Variants in TMEM165 observed in about 807,000 individuals in gnomAD.
TMEM165 encodes transmembrane protein 165, also known as putative divalent cation/proton antiporter TMEM165.
A neutral mutation model predicts 30.0 loss-of-function variants in TMEM165; 19 were observed. That is an observed-to-expected ratio of 0.63 (90% confidence interval 0.44 to 0.93). The LOEUF (loss-of-function observed/expected upper bound fraction) is 0.93, where lower values mean the gene tolerates loss of function less well. TMEM165 is among the 40% of genes least tolerant of loss of function. TMEM165 has a pLI of 0.00. For missense variants in TMEM165, 340 were observed against 417.0 expected, an observed-to-expected ratio of 0.82 and a Z score of 1.61; for synonymous variants, 168 against 162.9, an observed-to-expected ratio of 1.03 and a Z score of -0.24.
At chr4:55,424,438 T>TA (rs1722114231) in intron 4 of TMEM165, 100 bp from the exon 5 acceptor site, 8 of 709,944 alleles carry the variant, frequency 1.1e-5, no homozygotes, top group Non-Finnish European at 2.0e-5. Context: ...TTATGCTTTT[T>TA]AATTGTTGGC....
rs1128141 is a variant in TMEM165, at chr4:55,396,207, A to G, written c.18A>G (p.Pro6=). 953,735 of 1,436,182 alleles carry G rather than the reference A, an allele frequency of 0.66. 319,912 individuals carry two copies. The highest frequency in any genetic ancestry group is 0.84 in the African/African-American group (56,679 of 67,826). The allele number at this position is 1,436,182 out of a possible 1,614,324, so 89.0% of individuals were successfully genotyped here. Residue 6 remains proline, a synonymous_variant, in exon 1 of 6, where the codon CCA becomes CCG. Transcript: ENST00000381334. Reference sequence around the variant, plus strand: ...CAGGCGGGATGGCGGCCGCGGCTCCAGGGAACGGCCGCGCATCGGCGCCCC... The same window carrying G: ...CAGGCGGGATGGCGGCCGCGGCTCCGGGGAACGGCCGCGCATCGGCGCCCC... The part of the protein sequence containing the change: MAAAA[P]GNGRASAPRL...
intron 1 of TMEM165, among the ~76,000 whole-genome samples, chr4:55,405,201 G>A (rs1002683982): frequency 6.6e-5 from 10 of 152,066 alleles, no homozygotes; most frequent in African/African-American, 2.4e-4. Context: ...GATAGAGTAC[G>A]TCCTCACTTA....
intron 3 of TMEM165, among the ~76,000 whole-genome samples, chr4:55,446,729 A>AT (rs1286403255): frequency 6.6e-6 from 1 of 152,196 alleles, no homozygotes; most frequent in Admixed American, 6.5e-5. Flanking sequence ...TCTTAAGTCT[A>AT]TACAGGCTCT....
At position 55,396,102 on chromosome 4, in the gene TMEM165, C is replaced by T. The variant is rs1248477800; in HGVS notation, c.-88C>T. 7 of 1,153,908 alleles carry T rather than the reference C, an allele frequency of 6.1e-6. No individual in the cohort carries two copies. The highest frequency in any genetic ancestry group is 7.8e-6 in the Non-Finnish European group (7 of 902,800). The allele number at this position is 1,153,908 out of a possible 1,614,324, so 71.5% of individuals were successfully genotyped here. On this transcript the variant is annotated 5_prime_UTR_variant, in exon 1 of 6. It adds an upstream start codon to the 5' untranslated region. Coordinates refer to ENST00000381334, the MANE Select transcript of TMEM165 (RefSeq NM_018475.5). Reference sequence around the variant, plus strand: ...CGGCGGCGGCGGCGAGTCGTGAGGACGCGCCGCGGAGGCTGTTCGGGGTCG... The same window carrying T: ...CGGCGGCGGCGGCGAGTCGTGAGGATGCGCCGCGGAGGCTGTTCGGGGTCG...
exon 4 of TMEM165, chr4:55,453,151 A>C: frequency 1.3e-6 from 2 of 1,586,834 alleles, no homozygotes; most frequent in Non-Finnish European, 1.7e-6. Flanking sequence ...AAAAATAATC[A>C]AATTTTAGTG....
intron 1 of TMEM165, among the ~76,000 whole-genome samples, chr4:55,409,628 G>C (rs1234527195): frequency 6.6e-6 from 1 of 152,138 alleles, no homozygotes; most frequent in Non-Finnish European, 1.5e-5. Context: ...GATGCCAGTA[G>C]TTCCCCTTTG....
downstream of TMEM165, chr4:55,430,355 A>G (rs984550680): frequency 8.5e-5 from 13 of 152,204 alleles, no homozygotes; most frequent in African/African-American, 2.9e-4. Context: ...AGAGTATTTT[A>G]TTTAAGAAAA....
intron 1 of TMEM165, among the ~76,000 whole-genome samples, chr4:55,408,936 T>TA (rs1721379095): frequency 6.6e-6 from 1 of 151,308 alleles, no homozygotes; most frequent in South Asian, 2.1e-4. Flanking sequence ...TTTTTTTTTT[T>TA]AATATAAGGA....
chr4:55,406,374 T>C (rs1323802927), intron 1 of TMEM165, among the ~76,000 whole-genome samples: 1 of 152,246 alleles, frequency 6.6e-6, no homozygotes, highest in Non-Finnish European at 1.5e-5. Flanking sequence ...TCCTTTTTTG[T>C]ATTCTAGAAA....
intron 3 of TMEM165, chr4:55,438,332 G>T (rs1560411705): frequency 2.5e-6 from 4 of 1,613,954 alleles, no homozygotes; most frequent in Admixed American, 3.3e-5. Flanking sequence ...GATGGTTGCT[G>T]AACTGAAGTG....
chr4:55,399,698 G>A (rs535323265), intron 1 of TMEM165, among the ~76,000 whole-genome samples: 60 of 152,176 alleles, frequency 3.9e-4, no homozygotes, highest in Non-Finnish European at 7.5e-4. Context: ...ATATTAAATG[G>A]TCTTAAGGAT....
chr4:55,424,795 G>T, intron 5 of TMEM165, 152 bp downstream of exon 5: 1 of 580,566 alleles, frequency 1.7e-6, no homozygotes. Flanking sequence ...TCCTGGTATT[G>T]CAAATACGGA....
At chr4:55,432,697 G>T (rs1352837798) in intron 3 of TMEM165, 1 of 152,036 alleles carries the variant, frequency 6.6e-6, no homozygotes, top group African/African-American at 2.4e-5. Flanking sequence ...CAAAGAGGCA[G>T]CTGGTGCTTA....
Position 55,438,630 on chromosome 4 carries a change from C to G in TMEM165, c.409-13609C>G, listed in dbSNP as rs538130221. Reference sequence around the variant, plus strand: ...AGTAAATACTTACCTAAGATAATACCCAATGACATTGCCAGTTTGTTTTTC... The same window carrying G: ...AGTAAATACTTACCTAAGATAATACGCAATGACATTGCCAGTTTGTTTTTC... On this transcript the variant is annotated intron_variant, in intron 3 of 3. Coordinates refer to the TMEM165 transcript ENST00000608091. 85 of 1,577,418 alleles carry G rather than the reference C, an allele frequency of 5.4e-5. 1 individual carries two copies. In the South Asian group the frequency reaches 9.4e-4, roughly 17 times the overall value.
chr4:55,419,438 G>A (rs1001312797), intron 4 of TMEM165, among the ~76,000 whole-genome samples: 1 of 152,188 alleles, frequency 6.6e-6, no homozygotes, highest in Non-Finnish European at 1.5e-5. Context: ...CAGAGAGATC[G>A]GGTGACTTGT....
At chr4:55,442,506 C>G (rs1723451387) in intron 3 of TMEM165, 5 of 1,608,306 alleles carry the variant, frequency 3.1e-6, no homozygotes, top group African/African-American at 1.4e-5. Context: ...TAGATGGAAT[C>G]TGGACCATGC....
At chr4:55,435,656 T>C in intron 3 of TMEM165, 1 of 1,521,490 alleles carries the variant, frequency 6.6e-7, no homozygotes, top group Non-Finnish European at 9.1e-7. Context: ...ACATAATAGT[T>C]ACTCACACTC....
chr4:55,416,950 G>T (rs1428266349), intron 2 of TMEM165, 122 bp from the exon 3 acceptor site: 5 of 774,672 alleles, frequency 6.5e-6, no homozygotes, highest in African/African-American at 3.6e-5. Context: ...TTACATACTA[G>T]ATTAGCTTCT....
intron 4 of TMEM165, among the ~76,000 whole-genome samples, chr4:55,419,936 T>A (rs1327123387): frequency 6.6e-6 from 1 of 150,850 alleles, no homozygotes; most frequent in Non-Finnish European, 1.5e-5. Context: ...TCTTTAAAAA[T>A]ATCACTTTAA....
Sources: gnomAD v4.1 joint callset for allele counts (sites outside exome capture counted in the v4.1 genomes callset) on GRCh38, gnomAD v4.1.1 for gene constraint, MANE v1.5 for transcripts, NCBI Gene and HGNC (gene_info 2026-07-23, HGNC 2026-07-21) for gene names.